ROBO2: variants seen among roughly 807,000 people sequenced by gnomAD.
ROBO2 encodes roundabout homolog 2.
In ROBO2, 53 loss-of-function variants were observed where a neutral mutation model predicts 160.8. The ratio of observed to expected loss-of-function variants is 0.33; its 90% CI spans 0.26 to 0.41. The LOEUF (loss-of-function observed/expected upper bound fraction) is 0.41, where lower values mean the gene tolerates loss of function less well. ROBO2 is among the 10% of genes least tolerant of loss of function. The pLI, the probability that ROBO2 is intolerant of heterozygous loss-of-function variation, is 1.00. For synonymous variants in ROBO2, 664 were observed against 611.7 expected (o/e 1.09, Z -1.26); for missense variants, 1,577 against 1,722.4 (o/e 0.92, Z 1.49).
At chr3:76,767,774 G>A (rs112748104) in intron 2 of ROBO2, among the ~76,000 whole-genome samples, 151 of 151,604 alleles carry the variant, frequency 1.0e-3, no homozygotes, top group African/African-American at 3.5e-3. Flanking sequence ...TTGCTTAGAT[G>A]TTTTAGCTTC....
At chr3:76,722,369 C>T (rs1033281248) in intron 2 of ROBO2, among the ~76,000 whole-genome samples, 1 of 152,104 alleles carries the variant, frequency 6.6e-6, no homozygotes, top group Non-Finnish European at 1.5e-5. Flanking sequence ...ATCCGCCCTT[C>T]TCAGCCTCCC....
intron 2 of ROBO2, among the ~76,000 whole-genome samples, chr3:76,850,902 A>G (rs1016089322): frequency 2.0e-5 from 3 of 152,168 alleles, no homozygotes; most frequent in Non-Finnish European, 2.9e-5. Flanking sequence ...TGCAACAAGA[A>G]CACTTGCCTT....
At chr3:76,759,213 GAAT>G (rs1369085128) in intron 2 of ROBO2, among the ~76,000 whole-genome samples, 1 of 151,774 alleles carries the variant, frequency 6.6e-6, no homozygotes, top group Non-Finnish European at 1.5e-5. Context: ...TAATAAAAAG[GAAT>G]ATTATGACTG....
chr3:76,769,909 T>C (rs537283861), intron 2 of ROBO2, among the ~76,000 whole-genome samples: 1 of 151,604 alleles, frequency 6.6e-6, no homozygotes, highest in Admixed American at 6.6e-5. Context: ...CCTGTCATTG[T>C]GTTCTGCATT....
chr3:76,067,731 A>T (rs1352126463), intron 2 of ROBO2, among the ~76,000 whole-genome samples: 35 of 152,118 alleles, frequency 2.3e-4, no homozygotes. Flanking sequence ...GAGAAATCTC[A>T]TTGAAAACTA....
At chr3:77,623,274 G>A (rs1220309958) in intron 23 of ROBO2, among the ~76,000 whole-genome samples, 2 of 151,512 alleles carry the variant, frequency 1.3e-5, no homozygotes, top group Non-Finnish European at 2.9e-5. Flanking sequence ...ACAAACTGAA[G>A]TCTGGTCTCT....
chr3:77,190,513 A>G (rs1305651148), intron 2 of ROBO2, among the ~76,000 whole-genome samples: 2 of 151,926 alleles, frequency 1.3e-5, no homozygotes, highest in African/African-American at 2.4e-5. Flanking sequence ...TTTTCTTTTC[A>G]GACAAAACCT....
chr3:76,365,480 C>T (rs1238823491), intron 2 of ROBO2, among the ~76,000 whole-genome samples: 1 of 152,064 alleles, frequency 6.6e-6, no homozygotes, highest in African/African-American at 2.4e-5. Context: ...AACTGGGGAT[C>T]TGTCTATTAG....
intron 2 of ROBO2, among the ~76,000 whole-genome samples, chr3:77,157,816 A>G (rs900221177): frequency 3.3e-5 from 5 of 152,036 alleles, no homozygotes; most frequent in Non-Finnish European, 7.4e-5. Context: ...GAGGGCAAAA[A>G]TTGCCACTTA....
At chr3:77,101,483 C>T (rs746502829) in intron 2 of ROBO2, among the ~76,000 whole-genome samples, 3 of 152,154 alleles carry the variant, frequency 2.0e-5, no homozygotes, top group Admixed American at 1.3e-4. Context: ...GAAACAGCTT[C>T]TTCTAGAGTT....
intron 2 of ROBO2, among the ~76,000 whole-genome samples, chr3:76,686,657 A>G (rs1479185594): frequency 6.6e-6 from 1 of 152,060 alleles, no homozygotes; most frequent in Non-Finnish European, 1.5e-5. Context: ...AAACATTCCC[A>G]TGCCAAAAAT....
chr3:76,983,509 T>C (rs912505162), intron 2 of ROBO2, among the ~76,000 whole-genome samples: 20 of 152,312 alleles, frequency 1.3e-4, no homozygotes, highest in South Asian at 4.1e-4. Flanking sequence ...TCTATTTAGT[T>C]AGTAATGTCT....
At chr3:76,511,630 A>G (rs2081095338) in intron 2 of ROBO2, among the ~76,000 whole-genome samples, 1 of 152,222 alleles carries the variant, frequency 6.6e-6, no homozygotes, top group Non-Finnish European at 1.5e-5. Flanking sequence ...GGAGTTTAGC[A>G]TGAAGGATGC....
chr3:76,930,555 C>T (rs868208580), intron 2 of ROBO2, among the ~76,000 whole-genome samples: 1 of 152,220 alleles, frequency 6.6e-6, no homozygotes, highest in Middle Eastern at 3.4e-3. Flanking sequence ...CAAAACAGAA[C>T]CAAGAGTATA....
intron 2 of ROBO2, among the ~76,000 whole-genome samples, chr3:77,254,679 T>G (rs1434309900): frequency 6.6e-6 from 1 of 152,214 alleles, no homozygotes; most frequent in Admixed American, 6.5e-5. Flanking sequence ...TCAAACAAGA[T>G]TGAGAAGTTA....
At chr3:76,295,930 C>T (rs1012698325) in intron 2 of ROBO2, among the ~76,000 whole-genome samples, 1 of 152,124 alleles carries the variant, frequency 6.6e-6, no homozygotes, top group Admixed American at 6.5e-5. Flanking sequence ...CCAACTCCAC[C>T]CTCCCCACGT....
chr3:77,428,450 G>T (rs1440153138), intron 2 of ROBO2, among the ~76,000 whole-genome samples: 1 of 142,886 alleles, frequency 7.0e-6, no homozygotes, highest in East Asian at 2.1e-4. Flanking sequence ...TCCACTTCCC[G>T]GGTTCACGCC....
intron 2 of ROBO2, among the ~76,000 whole-genome samples, chr3:76,493,365 A>ATATATATATATATATG (rs61651925): frequency 2.3e-5 from 3 of 132,012 alleles, no homozygotes; most frequent in Non-Finnish European, 4.8e-5. Context: ...ATATATATAT[A>ATATATATATATATATG]ATTGTATATA....
intron 2 of ROBO2, among the ~76,000 whole-genome samples, chr3:76,751,137 T>C (rs537339029): frequency 9.2e-5 from 14 of 152,046 alleles, no homozygotes; most frequent in South Asian, 2.1e-4. Context: ...TCAGAAATAA[T>C]ACCACACATC....
Sources: gnomAD v4.1 joint callset for allele counts (sites outside exome capture counted in the v4.1 genomes callset) on GRCh38, gnomAD v4.1.1 for gene constraint, MANE v1.5 for transcripts, NCBI Gene and HGNC (gene_info 2026-07-23, HGNC 2026-07-21) for gene names.